Variants in ADGRB1 observed in about 807,000 individuals in gnomAD.
ADGRB1 encodes the protein brain-specific angiogenesis inhibitor 1.
In ADGRB1, 36 loss-of-function variants were observed where a neutral mutation model predicts 175.7. The observed-to-expected ratio is 0.20, with a 90% CI of 0.16 to 0.27. The LOEUF (loss-of-function observed/expected upper bound fraction) is 0.27. Among genes scored for constraint, ADGRB1 ranks in the 10% least tolerant of loss-of-function variants. The pLI is 1.00. For missense variants in ADGRB1, 1,731 were observed against 2,255.3 expected, an observed-to-expected ratio of 0.77 and a Z score of 4.71; for synonymous variants, 1,054 against 979.4, an observed-to-expected ratio of 1.08 and a Z score of -1.42.
Position 142,478,325 on chromosome 8 carries a change from T to G in ADGRB1, c.1526T>G (p.Val509Gly), listed in dbSNP as rs1465722871. 1 of 1,609,222 alleles carries G rather than the reference T, an allele frequency of 6.2e-7. No individual in the cohort carries two copies. Reference protein sequence around the residue: ...YGGAECQGHWVETRDCFLQQC... With the variant: ...YGGAECQGHWGETRDCFLQQC... ...GGTGCGGAGTGCCAGGGCCACTGGGTGGAGACCCGAGACTGCTTCCTGCAG... is the reference window on the plus strand; with the variant it reads ...GGTGCGGAGTGCCAGGGCCACTGGGGGGAGACCCGAGACTGCTTCCTGCAG... Residue 509 changes from valine (V) to glycine (G), a missense_variant, in exon 7 of 31, where the codon GTG (valine) becomes GGG (glycine). Val to Gly is a moderately radical substitution (Grantham distance 109). Transcript: ENST00000517894.
At position 142,504,813 on chromosome 8, in the gene ADGRB1, G is replaced by T. The variant is rs1323986868; in HGVS notation, c.2676-6119G>T. Among the ~76,000 whole-genome samples, 1 of 152,018 alleles carries T rather than the reference G, an allele frequency of 6.6e-6. No homozygotes were observed. The highest frequency in any genetic ancestry group is 1.5e-5 in the Non-Finnish European group (1 of 67,970). ...GCTCCTGAGGCCAGGCCTAGAAGCC[G>T]AAGCCTCTGCCTGCAGAGACACCAT... is the stretch of plus-strand genomic sequence containing the variant. On this transcript the variant is annotated intron_variant, in intron 17 of 30. Coordinates refer to ENST00000517894, the MANE Select transcript of ADGRB1 (RefSeq NM_001702.3). The surrounding 1 kb of genome is among the most constrained non-coding windows in gnomAD (Gnocchi z 5.6).
At chr8:142,503,090 G>A (rs1842700709) in intron 17 of ADGRB1, among the ~76,000 whole-genome samples, 1 of 151,890 alleles carries the variant, frequency 6.6e-6, no homozygotes, top group African/African-American at 2.4e-5. Context: ...GGTGGAGGCT[G>A]TGGTGACAAG....
chr8:142,461,071 C>T (rs1587247869), intron 1 of ADGRB1, among the ~76,000 whole-genome samples: 1 of 152,204 alleles, frequency 6.6e-6, no homozygotes, highest in East Asian at 1.9e-4. Context: ...GCCAGGAGGT[C>T]TCCACTCGGC....
Position 142,543,464 on chromosome 8 carries a change from A to G in ADGRB1, c.4449+26A>G. On this transcript the variant is annotated intron_variant, in intron 29 of 30. Transcript: ENST00000517894. This position sits in a 1 kb window ranked among gnomAD's most constrained non-coding sequence, Gnocchi z 4.4. ...GTGAGTTCTGGTGTCCCCCCCCACC[A>G]GACACTTAGGGCCAGATGTGCTCTG... is the stretch of plus-strand genomic sequence containing the variant. 1 of 1,613,366 alleles carries G rather than the reference A, an allele frequency of 6.2e-7. No individual in the cohort carries two copies. The highest frequency in any genetic ancestry group is 1.3e-5 in the African/African-American group (1 of 75,018).
chr8:142,544,543 T>A lies in ADGRB1; in HGVS notation c.*126T>A. On this transcript the variant is annotated 3_prime_UTR_variant, in exon 31 of 31. Coordinates refer to ENST00000517894, the MANE Select transcript of ADGRB1 (RefSeq NM_001702.3). The stretch of plus-strand genomic sequence containing the variant: ...GGCCCGCACCCCGGCCTCAGGGCGC[T>A]CAGACGGCGGCCAGGCACAGGGCCC... 1.7e-6 allele frequency: 2 copies of A among 1,166,096 alleles called. No homozygotes were observed. The highest frequency in any genetic ancestry group is 2.2e-6 in the Non-Finnish European group (2 of 890,082). 72.2% of individuals were successfully genotyped at this position (1,166,096 alleles called of 1,614,324 possible).
In ADGRB1 at chr8:142,476,686, C is replaced by G; in HGVS notation, c.1048C>G (p.Pro350Ala). 1 of 1,545,786 alleles carries G rather than the reference C, an allele frequency of 6.5e-7. No homozygotes were observed. The highest frequency in any genetic ancestry group is 1.2e-5 in the South Asian group (1 of 83,854). ...DELQQFGFPAPQTGDPAAEEW... is the reference protein window; with the variant it reads ...DELQQFGFPAAQTGDPAAEEW... ...GCTGCAGCAGTTTGGGTTCCCAGCC[C>G]CCCAGACCGGTGAGCTGGCGGGAGG... The change falls in exon 4 of 31, where the codon CCC (proline) becomes GCC (alanine). Residue 350 changes from proline to alanine, a missense_variant. This residue lies in a region of ADGRB1 where 178 missense variants were observed against 227.8 expected (regional missense o/e 0.78). Transcript: ENST00000517894.
intron 4 of ADGRB1, 41 bp downstream of exon 4, chr8:142,476,736 G>A (rs1323124627): frequency 6.0e-6 from 9 of 1,490,850 alleles, no homozygotes; most frequent in African/African-American, 1.4e-5. Flanking sequence ...TAGGGCTTTG[G>A]GAAAATACTG....
At chr8:142,483,019 C>G (rs1005646433) in intron 11 of ADGRB1, among the ~76,000 whole-genome samples, 2 of 151,310 alleles carry the variant, frequency 1.3e-5, no homozygotes, top group Non-Finnish European at 2.9e-5. Flanking sequence ...TGGTCACACA[C>G]TGAGCCCTGA....
At chr8:142,496,144 TGTGG>T (rs1157360956) in intron 17 of ADGRB1, among the ~76,000 whole-genome samples, 1 of 64,142 alleles carries the variant, frequency 1.6e-5, no homozygotes, top group East Asian at 4.6e-4. Context: ...TGAATAGGTG[TGTGG>T]GTGGGTGGGT....
chr8:142,485,948 T>C (rs1246389584), intron 13 of ADGRB1, among the ~76,000 whole-genome samples: 4 of 152,188 alleles, frequency 2.6e-5, no homozygotes, highest in African/African-American at 7.2e-5. Context: ...ACAGAGCAAG[T>C]ATGCCCGCTG....
chr8:142,536,456 C>G (rs1465460727), intron 25 of ADGRB1, among the ~76,000 whole-genome samples: 3 of 152,204 alleles, frequency 2.0e-5, no homozygotes, highest in African/African-American at 4.8e-5. Context: ...CACTGTCCCC[C>G]CTGAAGAGTG....
chr8:142,539,264 G>T, intron 26 of ADGRB1, 110 bp from the exon 27 acceptor site: 2 of 1,142,090 alleles, frequency 1.8e-6, no homozygotes, highest in Admixed American at 2.2e-5. Flanking sequence ...ATGGACAGGG[G>T]TTCCTCGGGG....
chr8:142,510,916 T>TGCCCCCCCC lies in ADGRB1; in HGVS notation c.2676-16_2676-15insGCCCCCCCC. The stretch of plus-strand genomic sequence containing the variant: ...ACGCTCCGCCTGTCTCCCTCCCGTG[T>TGCCCCCCCC]CCCGCCCGCCCCCAGACCCTCCTCC... On this transcript the variant is annotated splice_polypyrimidine_tract_variant and intron_variant, in intron 17 of 30. Transcript: ENST00000517894. The surrounding 1 kb of genome is among the most constrained non-coding windows in gnomAD (Gnocchi z 6.3). The TGCCCCCCCC allele has an allele frequency of 1.1e-5, 11 of 969,730 alleles. No homozygotes were observed. The highest frequency in any genetic ancestry group is 6.8e-5 in the East Asian group (1 of 14,766). 60.1% of individuals were successfully genotyped at this position (969,730 alleles called of 1,614,324 possible). A position where few individuals can be genotyped will look rare whatever the true frequency, so the allele number is the denominator to read the frequency against.
intron 18 of ADGRB1, among the ~76,000 whole-genome samples, chr8:142,513,082 G>A (rs1005520678): frequency 2.2e-4 from 33 of 152,210 alleles, no homozygotes; most frequent in Non-Finnish European, 4.1e-4. Flanking sequence ...GCACACTGGT[G>A]TTCACAGGGC....
chr8:142,525,722 GGGTCCAT>G (rs1844135925), intron 23 of ADGRB1, among the ~76,000 whole-genome samples: 1 of 152,172 alleles, frequency 6.6e-6, no homozygotes, highest in Non-Finnish European at 1.5e-5. Flanking sequence ...GCCTGGTCAG[GGGTCCAT>G]GGAGTCCTGG....
intron 17 of ADGRB1, among the ~76,000 whole-genome samples, chr8:142,501,902 G>A (rs1842580572): frequency 3.4e-5 from 1 of 29,134 alleles, no homozygotes; most frequent in African/African-American, 1.2e-4. Context: ...GGGTGATGTG[G>A]TGGTGATGGT....
chr8:142,467,289 T>A (rs1386734735), intron 2 of ADGRB1, among the ~76,000 whole-genome samples: 1 of 152,206 alleles, frequency 6.6e-6, no homozygotes, highest in Non-Finnish European at 1.5e-5. Flanking sequence ...AGAAGAGATG[T>A]CAGCCCTGAG....
At chr8:142,506,319 G>A (rs1842850473) in intron 17 of ADGRB1, among the ~76,000 whole-genome samples, 1 of 152,160 alleles carries the variant, frequency 6.6e-6, no homozygotes, top group African/African-American at 2.4e-5. Flanking sequence ...CCTGTCTGAG[G>A]GTCCCAGGTC....
At chr8:142,496,413 C>T (rs1429868353) in intron 17 of ADGRB1, among the ~76,000 whole-genome samples, 3 of 145,608 alleles carry the variant, frequency 2.1e-5, no homozygotes, top group Non-Finnish European at 3.0e-5. Flanking sequence ...GAGGTATGGA[C>T]GGCTGGGTGG....
Sources: gnomAD v4.1 joint callset for allele counts (sites outside exome capture counted in the v4.1 genomes callset) on GRCh38, gnomAD v4.1.1 for gene constraint, gnomAD v4.1.1 regional missense constraint, Gnocchi (gnomAD v3.1) non-coding constraint, MANE v1.5 for transcripts, NCBI Gene and HGNC (gene_info 2026-07-23, HGNC 2026-07-21) for gene names.